Variants in ACBD6 observed in about 807,000 individuals in gnomAD.
The protein encoded by ACBD6 is acyl-CoA binding domain containing 6, also known as acyl-CoA-binding domain-containing protein 6.
In ACBD6, 28 loss-of-function variants were observed where a neutral mutation model predicts 37.2. The ratio of observed to expected loss-of-function variants is 0.75; its 90% CI spans 0.56 to 1.03. The LOEUF (loss-of-function observed/expected upper bound fraction) is 1.03. Among genes scored for constraint, ACBD6 ranks in the 50% least tolerant of loss-of-function variants. The pLI, the probability that ACBD6 is intolerant of heterozygous loss-of-function variation, is 0.00. For synonymous variants in ACBD6, 113 were observed against 126.8 expected (o/e 0.89, Z 0.73); for missense variants, 340 against 337.4 (o/e 1.01, Z -0.06).
intron 7 of ACBD6, among the ~76,000 whole-genome samples, chr1:180,305,313 A>G (rs1418612440): frequency 6.6e-6 from 1 of 152,238 alleles, no homozygotes; most frequent in Non-Finnish European, 1.5e-5. Context: ...GTGAACAGGT[A>G]ACCTACGGAA....
chr1:180,492,595 C>A (rs1215516894), intron 2 of ACBD6, among the ~76,000 whole-genome samples: 1 of 152,096 alleles, frequency 6.6e-6, no homozygotes, highest in Non-Finnish European at 1.5e-5. Flanking sequence ...TAATCGTCCT[C>A]CCCGTGAAAT....
At chr1:180,308,718 G>A (rs1254256985) in intron 7 of ACBD6, among the ~76,000 whole-genome samples, 1 of 152,158 alleles carries the variant, frequency 6.6e-6, no homozygotes, top group African/African-American at 2.4e-5. Context: ...AGTTCAAGAG[G>A]TCTTATTTCC....
At chr1:180,441,536 G>C (rs1649279484) in intron 3 of ACBD6, among the ~76,000 whole-genome samples, 2 of 152,022 alleles carry the variant, frequency 1.3e-5, no homozygotes, top group African/African-American at 4.8e-5. Flanking sequence ...CATTAACTTA[G>C]GTCTTCTTTA....
At chr1:180,372,509 A>G (rs574549892) in intron 6 of ACBD6, among the ~76,000 whole-genome samples, 1 of 152,268 alleles carries the variant, frequency 6.6e-6, no homozygotes, top group African/African-American at 2.4e-5. Flanking sequence ...ATAAATCATG[A>G]TAATATAGGC....
chr1:180,386,826 T>A (rs1653864198), intron 6 of ACBD6, among the ~76,000 whole-genome samples: 2 of 108,916 alleles, frequency 1.8e-5, no homozygotes, highest in South Asian at 7.8e-4. Flanking sequence ...TTCAAGAATG[T>A]TTGTAACTAC....
chr1:180,417,711 T>C (rs185781578), intron 4 of ACBD6, among the ~76,000 whole-genome samples: 1 of 152,270 alleles, frequency 6.6e-6, no homozygotes, highest in African/African-American at 2.4e-5. Context: ...ATCTTTTTTC[T>C]ACATCTTTGA....
chr1:180,385,611 G>A (rs144385352), intron 6 of ACBD6, among the ~76,000 whole-genome samples: 2 of 151,936 alleles, frequency 1.3e-5, no homozygotes, highest in African/African-American at 4.8e-5. Context: ...GATAGGGCTG[G>A]TTCCCTTACA....
chr1:180,272,296 C>G (rs1322496780), intron 13 of ACBD6, among the ~76,000 whole-genome samples: 1 of 152,186 alleles, frequency 6.6e-6, no homozygotes. Flanking sequence ...CCCTCATCAG[C>G]CCACACAGCT....
At chr1:180,283,560 C>T (rs1649378229), downstream of ACBD6, among the ~76,000 whole-genome samples, 1 of 152,062 alleles carries the variant, frequency 6.6e-6, no homozygotes, top group Non-Finnish European at 1.5e-5. Context: ...TTGTGAACAC[C>T]CTGACCTGGT....
chr1:180,429,132 T>G (rs1648713176), intron 4 of ACBD6, among the ~76,000 whole-genome samples: 1 of 152,306 alleles, frequency 6.6e-6, no homozygotes, highest in East Asian at 1.9e-4. Context: ...CTAAAAGTAT[T>G]TCTAAGTATA....
rs1401704778 is a variant in ACBD6, at chr1:180,274,142, A to T, written c.*937-30T>A. 3.1e-6 allele frequency: 5 copies of T among 1,613,030 alleles called. No homozygotes were observed. The African/African-American group carries it at 5.3e-5, about 17-fold the overall frequency. ...GTTGTGAAGAGCAGGGGACCATCAG[A>T]GTCCTGGCAGCTGACAATAAATCTC... On this transcript the variant is annotated intron_variant, in intron 10 of 13. Transcript: ENST00000642319.
chr1:180,301,891 C>A (rs889240425), intron 7 of ACBD6, among the ~76,000 whole-genome samples: 2 of 152,150 alleles, frequency 1.3e-5, no homozygotes, highest in Non-Finnish European at 2.9e-5. Flanking sequence ...TACTACAGAA[C>A]AGTATGTACT....
intron 2 of ACBD6, among the ~76,000 whole-genome samples, chr1:180,494,206 T>G (rs886530159): frequency 1.3e-5 from 2 of 152,202 alleles, no homozygotes; most frequent in African/African-American, 4.8e-5. Context: ...TATTTTATCA[T>G]CTAATATTTA....
At chr1:180,398,818 G>A (rs2101953021) in intron 5 of ACBD6, among the ~76,000 whole-genome samples, 1 of 152,286 alleles carries the variant, frequency 6.6e-6, no homozygotes, top group East Asian at 1.9e-4. Context: ...CATTTATAAA[G>A]AATGGAATGT....
chr1:180,368,020 T>C (rs910030902), intron 6 of ACBD6, among the ~76,000 whole-genome samples: 12 of 152,208 alleles, frequency 7.9e-5, no homozygotes, highest in African/African-American at 2.9e-4. Context: ...AGTGAATACA[T>C]GTTCCCTGTT....
chr1:180,271,976 G>A, intron 13 of ACBD6: 1 of 1,613,088 alleles, frequency 6.2e-7, no homozygotes, highest in Non-Finnish European at 8.5e-7. Flanking sequence ...AGAGGACTGT[G>A]GGGTTAGTGA....
At chr1:180,393,955 A>T (rs764141056) in intron 6 of ACBD6, among the ~76,000 whole-genome samples, 2 of 152,218 alleles carry the variant, frequency 1.3e-5, no homozygotes, top group African/African-American at 2.4e-5. Flanking sequence ...AGCCACCTAT[A>T]GTTTTTGGAT....
chr1:180,378,271 T>C (rs889206484), intron 6 of ACBD6, among the ~76,000 whole-genome samples: 2 of 152,124 alleles, frequency 1.3e-5, no homozygotes, highest in African/African-American at 4.8e-5. Context: ...GTGAGGAACA[T>C]TCTACAAACT....
At chr1:180,284,888 T>C (rs78146949), downstream of ACBD6, among the ~76,000 whole-genome samples, 1,012 of 152,194 alleles carry the variant, frequency 6.6e-3, 16 homozygotes, top group African/African-American at 0.023. Flanking sequence ...CTGGTGGCTC[T>C]TGCCTGTAAT....
Sources: gnomAD v4.1 joint callset for allele counts (sites outside exome capture counted in the v4.1 genomes callset) on GRCh38, gnomAD v4.1.1 for gene constraint, MANE v1.5 for transcripts, NCBI Gene and HGNC (gene_info 2026-07-23, HGNC 2026-07-21) for gene names.